WNK4: variants seen among roughly 807,000 people sequenced by gnomAD.
WNK4 encodes the protein WNK lysine deficient protein kinase 4, also known as serine/threonine-protein kinase WNK4.
In WNK4, 94 loss-of-function variants were observed where a neutral mutation model predicts 116.2. The ratio of observed to expected loss-of-function variants is 0.81; its 90% CI spans 0.68 to 0.96. The LOEUF (loss-of-function observed/expected upper bound fraction) is 0.96. Ranked by LOEUF, WNK4 falls within the 40% of genes least tolerant of loss-of-function variation. The pLI is 0.00. For synonymous variants in WNK4, 655 were observed against 672.7 expected (o/e 0.97, Z 0.41); for missense variants, 1,542 against 1,650.6 (o/e 0.93, Z 1.14).
chr17:42,780,763 T>G lies in WNK4; in HGVS notation c.65T>G (p.Leu22Arg). ...LMSQTEADLA[L>R]RPPPPLGTAG... is the part of the protein sequence containing the mutation. ...TCCCAGACTGAGGCCGACCTGGCCC[T>G]GCGGCCCCCGCCTCCTCTTGGCACC... The change falls in exon 1 of 19, where the codon CTG becomes CGG. Residue 22 changes from leucine to arginine, a missense_variant. This residue lies in a region of WNK4 where 243 missense variants were observed against 217.8 expected (regional missense o/e 1.12). Transcript: ENST00000246914. 6.2e-7 allele frequency: 1 copy of G among 1,607,306 alleles called. No homozygotes were observed. The highest frequency in any genetic ancestry group is 1.3e-5 in the African/African-American group (1 of 74,906).
rs1262431549 is a variant in WNK4, at chr17:42,793,864, T to A, written c.2295+135T>A. The A allele has an allele frequency of 8.3e-6, 10 of 1,210,262 alleles. No individual in the cohort carries two copies. In the Admixed American group the frequency reaches 2.1e-4, roughly 26 times the overall value. 75.0% of individuals were successfully genotyped at this position (1,210,262 alleles called of 1,614,324 possible). On this transcript the variant is annotated intron_variant, in intron 12 of 18. Coordinates refer to ENST00000246914, the MANE Select transcript of WNK4 (RefSeq NM_032387.5). ...ACCCTAAAACAGTGGCGCTTTTTTT[T>A]TTTTTTGAGATGGAGTCTCACTCTG...
chr17:42,781,205 C>T lies in WNK4; in HGVS notation c.507C>T (p.Pro169=), dbSNP rs61754328. The T allele has an allele frequency of 2.5e-6, 4 of 1,614,070 alleles. No individual in the cohort carries two copies. Among genetic ancestry groups the T allele is most frequent in the African/African-American group, 2.7e-5 (2 of 74,926 alleles). The change falls in exon 1 of 19, where the codon CCC becomes CCT. Residue 169 remains proline (P), a synonymous_variant. Transcript: ENST00000246914. ...AGACCCAGGCTGTGGCAACGTCCCC[C>T]GATGGCCGATACCTCAAGTTTGACA... ...DMETQAVATS[P]DGRYLKFDIE...
At chr17:42,792,515 T>C (rs1030170550) in intron 11 of WNK4, among the ~76,000 whole-genome samples, 1 of 152,212 alleles carries the variant, frequency 6.6e-6, no homozygotes, top group African/African-American at 2.4e-5. Context: ...TGAAACTCTG[T>C]ACCCATTAAA....
rs199775692 is a variant in WNK4 at position 42,782,855 on chromosome 17, C to T, written c.716C>T (p.Ser239Leu). The change falls in exon 2 of 19, where the codon TCG (serine) becomes TTG (leucine). Residue 239 changes from serine (S) to leucine (L), a missense_variant. Ser to Leu is a moderately radical substitution (Grantham distance 145, BLOSUM62 -2). Around this residue, in one of 7 missense-constraint regions of WNK4, gnomAD observed 808 missense variants for 873.6 expected, o/e 0.92. Transcript: ENST00000246914. This position sits in a 1 kb window ranked among gnomAD's most constrained non-coding sequence, Gnocchi z 4.2. ...CCCAACATCGTCCGCTTCTATGATTCGTGGAAGTCGGTGCTGAGGGGCCAG... is the reference window on the plus strand; with the variant it reads ...CCCAACATCGTCCGCTTCTATGATTTGTGGAAGTCGGTGCTGAGGGGCCAG... ...QHPNIVRFYDSWKSVLRGQVC... is the reference protein window; with the variant it reads ...QHPNIVRFYDLWKSVLRGQVC... 74 of 1,614,046 alleles carry T rather than the reference C, an allele frequency of 4.6e-5. No homozygotes were observed. Among genetic ancestry groups the T allele is most frequent in the South Asian group, 8.8e-5 (8 of 91,086 alleles).
At chr17:42,785,220 GGCCGCGGGCC>G (rs2054532333) in intron 5 of WNK4, 35 bp downstream of exon 5, 1 of 1,608,600 alleles carries the variant, frequency 6.2e-7, no homozygotes, top group Non-Finnish European at 8.5e-7. Context: ...GGTAGAATAG[GGCCGCGGGCC>G]GCGGCGGGCT....
Position 42,793,730 on chromosome 17 carries a change from G to C in WNK4, c.2295+1G>C. The stretch of plus-strand genomic sequence containing the variant: ...TGCTGAAGACACCCTAAGCCCCCAG[G>C]TCAGACCCCTTGGTGGACACTTCCA... On this transcript the variant is annotated splice_donor_variant, in intron 12 of 18. Transcript: ENST00000246914. LOFTEE classifies it high-confidence loss of function. The C allele has an allele frequency of 1.9e-6, 3 of 1,614,040 alleles. No individual in the cohort carries two copies. The highest frequency in any genetic ancestry group is 2.5e-6 in the Non-Finnish European group (3 of 1,179,920).
At position 42,782,448 on chromosome 17, in the gene WNK4, G is replaced by T. The variant is rs2054494781; in HGVS notation, c.619-310G>T. 6.6e-6 allele frequency among the ~76,000 whole-genome samples: 1 copy of T among 152,230 alleles called. No homozygotes were observed. The stretch of plus-strand genomic sequence containing the variant: ...CCCGGGTGCCCCCTCCCGCCCCATG[G>T]CCGGCCTGGGCAGCCACAAAGGCAC... On this transcript the variant is annotated intron_variant, in intron 1 of 18. Coordinates refer to ENST00000246914, the MANE Select transcript of WNK4 (RefSeq NM_032387.5). This position sits in a 1 kb window ranked among gnomAD's most constrained non-coding sequence, Gnocchi z 4.2.
At chr17:42,796,600 G>A in intron 18 of WNK4, 22 bp downstream of exon 18, 2 of 1,614,186 alleles carry the variant, frequency 1.2e-6, no homozygotes, top group Non-Finnish European at 1.7e-6. Flanking sequence ...CCCAAGGGAG[G>A]GAGAGCCCAG....
At position 42,784,802 on chromosome 17, in the gene WNK4, C is replaced by T. The variant is rs1474290595; in HGVS notation, c.1170+223C>T. Among the ~76,000 whole-genome samples the T allele has an allele frequency of 1.3e-5, 2 of 152,086 alleles. No homozygotes were observed. The highest frequency in any genetic ancestry group is 1.3e-4 in the Admixed American group (2 of 15,274). On this transcript the variant is annotated intron_variant, in intron 4 of 18. Transcript: ENST00000246914. The surrounding 1 kb of genome is among the most constrained non-coding windows in gnomAD (Gnocchi z 4.4). ...GCTCCCAAGAGTTCACAAATGATTT[C>T]GCATCCCATCTCTCATCCAATCCTT... is the stretch of plus-strand genomic sequence containing the variant.
Position 42,784,086 on chromosome 17 carries a change from C to T in WNK4, c.941C>T (p.Thr314Ile), listed in dbSNP as rs368501387. 1 of 1,612,804 alleles carries T rather than the reference C, an allele frequency of 6.2e-7. No homozygotes were observed. The highest frequency in any genetic ancestry group is 8.5e-7 in the Non-Finnish European group (1 of 1,180,026). Reference protein sequence around the residue: ...KCDNVFITGPTGSVKIGDLGL... With the variant: ...KCDNVFITGPIGSVKIGDLGL... ...GACAATGTCTTTATCACGGGACCTA[C>T]TGGCTCTGTCAAAATCGGGGACCTG... The change falls in exon 3 of 19, where the codon ACT (threonine) becomes ATT (isoleucine). Residue 314 changes from threonine (T) to isoleucine (I), a missense_variant. By Grantham distance (89) the Thr-to-Ile change is moderately conservative (BLOSUM62 -1). Around this residue, in one of 7 missense-constraint regions of WNK4, gnomAD observed 808 missense variants for 873.6 expected, o/e 0.92. Transcript: ENST00000246914. The surrounding 1 kb of genome is among the most constrained non-coding windows in gnomAD (Gnocchi z 4.4).
In WNK4 at chr17:42,785,173, A is replaced by G. The variant is rs765580426; in HGVS notation, c.1247A>G (p.Asp416Gly). 1.2e-6 allele frequency: 2 copies of G among 1,613,914 alleles called. No homozygotes were observed. The highest frequency in any genetic ancestry group is 1.7e-6 in the Non-Finnish European group (2 of 1,179,952). Residue 416 changes from aspartate to glycine, a missense_variant, in exon 5 of 19, where the codon GAT becomes GGT. Physicochemically the swap from Asp to Gly is moderately conservative, Grantham distance 94. This residue lies in a region of WNK4 where 808 missense variants were observed against 873.6 expected (regional missense o/e 0.92). Coordinates refer to ENST00000246914, the MANE Select transcript of WNK4 (RefSeq NM_032387.5). ...KEIIEGCIRT[D>G]KNERFTIQDL... is the part of the protein sequence containing the mutation. ...ATCATTGAAGGCTGCATCCGCACGG[A>G]TAAGAACGAGAGGTGGGGGTGAAAG...
Position 42,782,901 on chromosome 17 carries a change from C to G in WNK4, c.762C>G (p.Thr254=), listed in dbSNP as rs754741042. ...LRGQVCIVLV[T]ELMTSGTLKT... ...GCCAGGTTTGCATCGTGCTGGTCAC[C>G]GAACTCATGACCTCGGGCACGCTCA... The change falls in exon 2 of 19, where the codon ACC becomes ACG. Residue 254 remains threonine, a synonymous_variant. Coordinates refer to ENST00000246914, the MANE Select transcript of WNK4 (RefSeq NM_032387.5). The surrounding 1 kb of genome is among the most constrained non-coding windows in gnomAD (Gnocchi z 4.2). 6 of 1,614,122 alleles carry G rather than the reference C, an allele frequency of 3.7e-6. No homozygotes were observed. Among genetic ancestry groups the G allele is most frequent in the African/African-American group, 1.3e-5 (1 of 75,022 alleles).
At chr17:42,787,590 T>G in intron 7 of WNK4, 48 bp downstream of exon 7, 1 of 1,609,888 alleles carries the variant, frequency 6.2e-7, no homozygotes, top group Non-Finnish European at 8.5e-7. Context: ...CACCTTGGCC[T>G]CTGCCCCCTA....
At chr17:42,791,951 A>T (rs1282822620) in intron 11 of WNK4, among the ~76,000 whole-genome samples, 2 of 142,988 alleles carry the variant, frequency 1.4e-5, no homozygotes, top group Non-Finnish European at 3.0e-5. Context: ...CTCAGTCTCA[A>T]AAAAAAAAAA....
chr17:42,785,273 A>G lies in WNK4; in HGVS notation c.1267A>G (p.Ile423Val). The change falls in exon 6 of 19, where the codon ATC (isoleucine) becomes GTC (valine). Residue 423 changes from isoleucine (I) to valine (V), a missense_variant. Physicochemically the swap from Ile to Val is conservative, Grantham distance 29. Transcript: ENST00000246914. ...IRTDKNERFT[I>V]QDLLAHAFFR... is the part of the protein sequence containing the mutation. ...CCCACGCGTCACCCTCAGGTTCACC[A>G]TCCAGGACCTCCTGGCCCACGCCTT... 6.2e-7 allele frequency: 1 copy of G among 1,610,130 alleles called. No homozygotes were observed. Among genetic ancestry groups the G allele is most frequent in the African/African-American group, 1.3e-5 (1 of 75,040 alleles).
rs781181530 is a variant in WNK4, at chr17:42,785,401, G to T, written c.1395G>T (p.Gly465=). Residue 465 remains glycine, a synonymous_variant, in exon 6 of 19, where the codon GGG becomes GGT. Transcript: ENST00000246914. ...LWLRMEDARR[G]GRPRDNQAIE... ...TGCGCATGGAGGACGCGCGGCGCGG[G>T]GGGCGCCCACGGGACAACCAGGCCA... The T allele has an allele frequency of 1.3e-6, 2 of 1,579,906 alleles. No individual in the cohort carries two copies. The highest frequency in any genetic ancestry group is 2.7e-5 in the African/African-American group (2 of 74,278).
At chr17:42,781,645 C>G (rs542131553) in intron 1 of WNK4, among the ~76,000 whole-genome samples, 2 of 152,106 alleles carry the variant, frequency 1.3e-5, no homozygotes, top group Non-Finnish European at 2.9e-5. Flanking sequence ...GGTGGGTACC[C>G]GCAATCCCTT....
chr17:42,787,932 A>G, intron 8 of WNK4, 33 bp downstream of exon 8: 1 of 1,608,144 alleles, frequency 6.2e-7, no homozygotes, highest in Admixed American at 1.7e-5. Flanking sequence ...GCTCCCAGCC[A>G]TTCCAAGCCT....
intron 18 of WNK4, 27 bp downstream of exon 18, chr17:42,796,605 G>T (rs2054678573): frequency 1.2e-6 from 2 of 1,613,932 alleles, no homozygotes; most frequent in Non-Finnish European, 1.7e-6. Context: ...GGGAGGGAGA[G>T]CCCAGGGAAT....
Sources: gnomAD v4.1 joint callset for allele counts (sites outside exome capture counted in the v4.1 genomes callset) on GRCh38, gnomAD v4.1.1 for gene constraint, gnomAD v4.1.1 regional missense constraint, Gnocchi (gnomAD v3.1) non-coding constraint, MANE v1.5 for transcripts, NCBI Gene and HGNC (gene_info 2026-07-23, HGNC 2026-07-21) for gene names.